The following SMOX variants were observed in gnomAD, a reference collection of about 807,000 sequenced individuals.
SMOX encodes flavin containing amine oxidase.
SMOX carries 22 observed loss-of-function variants against 51.0 expected under a neutral mutation model. That is an observed-to-expected ratio of 0.43 (90% confidence interval 0.31 to 0.62). SMOX has a LOEUF of 0.62. Among genes scored for constraint, SMOX ranks in the 20% least tolerant of loss-of-function variants. The probability of loss-of-function intolerance (pLI) is 0.10; values close to 1 mark genes in which losing one functional copy is unlikely to be tolerated. For synonymous variants in SMOX, 282 were observed against 307.8 expected, an observed-to-expected ratio of 0.92 and a Z score of 0.88; for missense variants, 566 against 777.7, an observed-to-expected ratio of 0.73 and a Z score of 3.24.
intron 3 of SMOX, among the ~76,000 whole-genome samples, chr20:4,178,660 G>C: frequency 6.7e-6 from 1 of 150,238 alleles, no homozygotes; most frequent in South Asian, 2.1e-4. Flanking sequence ...CACCTATTGT[G>C]CATTTTCTTT....
Position 4,182,727 on chromosome 20 carries a change from G to A in SMOX, c.1248G>A (p.Pro416=), listed in dbSNP as rs147924124. The A allele has an allele frequency of 1.4e-5, 23 of 1,614,032 alleles. No individual in the cohort carries two copies. Among genetic ancestry groups the A allele is most frequent in the Non-Finnish European group, 1.8e-5 (21 of 1,180,040 alleles). The change falls in exon 5 of 7, where the codon CCG becomes CCA. Residue 416 remains proline (P), a synonymous_variant. Transcript: ENST00000305958. This position sits in a 1 kb window ranked among gnomAD's most constrained non-coding sequence, Gnocchi z 8.4. ...TCTGCGGCTTTGATGTCCTCTACCC[G>A]CCTGAGCGCTACGGCCATGTGCTGA... ...RKICGFDVLY[P]PERYGHVLSG... is the part of the protein sequence containing the mutation.
chr20:4,182,993 C>T lies in SMOX; in HGVS notation c.1369+145C>T, dbSNP rs1212846662. ...ACGGGAGAGCCACTGCAGGGTGCCA[C>T]ATTCAGCCAAAGGCTCTTCAGTTGC... is the stretch of plus-strand genomic sequence containing the variant. On this transcript the variant is annotated intron_variant, in intron 5 of 6. Transcript: ENST00000305958. This position sits in a 1 kb window ranked among gnomAD's most constrained non-coding sequence, Gnocchi z 8.4. 8.3e-7 allele frequency: 1 copy of T among 1,199,744 alleles called. No individual in the cohort carries two copies. The highest frequency in any genetic ancestry group is 1.1e-6 in the Non-Finnish European group (1 of 882,280). The allele number at this position is 1,199,744 out of a possible 1,614,324, so 74.3% of individuals were successfully genotyped here. A position where few individuals can be genotyped will look rare whatever the true frequency, so the allele number is the denominator to read the frequency against.
At chr20:4,175,344 T>A in intron 2 of SMOX, 81 bp downstream of exon 2, 2 of 1,447,100 alleles carry the variant, frequency 1.4e-6, no homozygotes, top group East Asian at 4.6e-5. Flanking sequence ...TGAAATCTCA[T>A]TATTTTAACT....
rs1986164300 is a variant in SMOX at position 4,158,835 on chromosome 20, C to T, written c.-27+9858C>T. On this transcript the variant is annotated intron_variant, in intron 1 of 6. Transcript: ENST00000305958. ...GGGACAGCCCAGCTCAGCCAGCGCA[C>T]CTCTGATCCTGGCGGGTGGTGGTGA... 1.3e-5 allele frequency among the ~76,000 whole-genome samples: 2 copies of T among 152,058 alleles called. 1 individual carries two copies. The highest frequency in any genetic ancestry group is 4.1e-4 in the South Asian group (2 of 4,820).
intron 2 of SMOX, among the ~76,000 whole-genome samples, chr20:4,176,865 G>A (rs1250210942): frequency 6.6e-6 from 1 of 152,176 alleles, no homozygotes; most frequent in Non-Finnish European, 1.5e-5. Flanking sequence ...TTGCAAACTG[G>A]GATGTTTGGA....
chr20:4,181,560 C>T lies in SMOX; in HGVS notation c.436-243C>T, dbSNP rs927795501. Among the ~76,000 whole-genome samples, 1 of 152,192 alleles carries T rather than the reference C, an allele frequency of 6.6e-6. No homozygotes were observed. The highest frequency in any genetic ancestry group is 2.4e-5 in the African/African-American group (1 of 41,448). On this transcript the variant is annotated intron_variant, in intron 3 of 6. Transcript: ENST00000305958. The surrounding 1 kb of genome is among the most constrained non-coding windows in gnomAD (Gnocchi z 5.6). ...TGTTTCACATTGTCCTAAGTGAGGG[C>T]CCAGCAAGAAAACCTCCGGGGCTTA...
At chr20:4,158,102 T>A (rs12625566) in intron 1 of SMOX, among the ~76,000 whole-genome samples, 124,865 of 147,502 alleles carry the variant, frequency 0.85, 53,769 homozygotes, top group Non-Finnish European at 0.92. Context: ...GTGTTTCACC[T>A]TGTTAGCCAG....
chr20:4,175,079 T>C lies in SMOX; in HGVS notation c.24T>C (p.Gly8=). Residue 8 remains glycine (G), a synonymous_variant, in exon 2 of 7, where the codon GGT becomes GGC. Coordinates refer to ENST00000305958, the MANE Select transcript of SMOX (RefSeq NM_175839.3). MQSCESS[G]DSADDPLSRG... is the part of the protein sequence containing the mutation. ...GTATGCAAAGTTGTGAATCCAGTGGTGACAGTGCGGATGACCCTCTCAGTC... is the reference window on the plus strand; with the variant it reads ...GTATGCAAAGTTGTGAATCCAGTGGCGACAGTGCGGATGACCCTCTCAGTC... The C allele has an allele frequency of 6.2e-7, 1 of 1,614,204 alleles. No homozygotes were observed. The highest frequency in any genetic ancestry group is 8.5e-7 in the Non-Finnish European group (1 of 1,180,042).
chr20:4,163,792 C>G (rs771938520), intron 1 of SMOX, among the ~76,000 whole-genome samples: 4 of 152,174 alleles, frequency 2.6e-5, no homozygotes, highest in Non-Finnish European at 4.4e-5. Flanking sequence ...CCCAGGGTTG[C>G]TTGAGTGTCC....
In SMOX at chr20:4,183,111, C is replaced by T. The variant is rs752100991; in HGVS notation, c.1369+263C>T. 14 of 593,316 alleles carry T rather than the reference C, an allele frequency of 2.4e-5. No individual in the cohort carries two copies. The highest frequency in any genetic ancestry group is 4.1e-5 in the Non-Finnish European group (14 of 339,220). 36.8% of individuals were successfully genotyped at this position (593,316 alleles called of 1,614,324 possible). A position where few individuals can be genotyped will look rare whatever the true frequency, so the allele number is the denominator to read the frequency against. On this transcript the variant is annotated intron_variant, in intron 5 of 6. Transcript: ENST00000305958. The surrounding 1 kb of genome is among the most constrained non-coding windows in gnomAD (Gnocchi z 4.3). ...ATGGTAAAACACTCAGAGATCACCGCCCATTGTGCTCTGTTGCTAAGAGCT... is the reference window on the plus strand; with the variant it reads ...ATGGTAAAACACTCAGAGATCACCGTCCATTGTGCTCTGTTGCTAAGAGCT...
intron 2 of SMOX, chr20:4,176,101 A>G (rs1485153110): frequency 6.6e-6 from 1 of 150,422 alleles, no homozygotes; most frequent in African/African-American, 2.5e-5. Context: ...GTTCACTGCA[A>G]CCTCTGCTTC....
At chr20:4,179,365 C>G (rs1032139132) in intron 3 of SMOX, among the ~76,000 whole-genome samples, 1 of 151,700 alleles carries the variant, frequency 6.6e-6, no homozygotes, top group Non-Finnish European at 1.5e-5. Context: ...CAAGAGAGTG[C>G]GTTGTGGATA....
In SMOX at chr20:4,182,585, T is replaced by C; in HGVS notation, c.1106T>C (p.Phe369Ser). The C allele has an allele frequency of 6.2e-7, 1 of 1,613,906 alleles. No individual in the cohort carries two copies. The highest frequency in any genetic ancestry group is 8.5e-7 in the Non-Finnish European group (1 of 1,179,966). ...GGCATTGGCACCACCGACAAGATCT[T>C]TCTGGAATTCGAGGAGCCCTTCTGG... Reference protein sequence around the residue: ...RLGIGTTDKIFLEFEEPFWGP... With the variant: ...RLGIGTTDKISLEFEEPFWGP... The change falls in exon 5 of 7, where the codon TTT (phenylalanine) becomes TCT (serine). Residue 369 changes from phenylalanine (F) to serine (S), a missense_variant. Around this residue, in one of 3 missense-constraint regions of SMOX, gnomAD observed 347 missense variants for 481.8 expected, o/e 0.72. Transcript: ENST00000305958. This position sits in a 1 kb window ranked among gnomAD's most constrained non-coding sequence, Gnocchi z 8.4.
intron 6 of SMOX, among the ~76,000 whole-genome samples, chr20:4,184,605 T>C (rs974012860): frequency 5.3e-5 from 8 of 152,128 alleles, no homozygotes; most frequent in Non-Finnish European, 8.8e-5. Flanking sequence ...AACAGTTATA[T>C]TTAAAACAAT....
chr20:4,157,709 G>A (rs1022421110), intron 1 of SMOX, among the ~76,000 whole-genome samples: 1 of 152,072 alleles, frequency 6.6e-6, no homozygotes, highest in African/African-American at 2.4e-5. Flanking sequence ...GGCTGTGGGA[G>A]GGGGCGGTGC....
intron 2 of SMOX, 104 bp downstream of exon 2, chr20:4,175,367 G>A (rs1020013682): frequency 3.0e-6 from 4 of 1,313,112 alleles, no homozygotes; most frequent in Non-Finnish European, 4.2e-6. Context: ...TGGGATAAAT[G>A]TTCCATCATG....
chr20:4,159,266 C>T (rs563427825), intron 1 of SMOX, among the ~76,000 whole-genome samples: 3 of 152,276 alleles, frequency 2.0e-5, no homozygotes, highest in Admixed American at 6.5e-5. Context: ...TGCCTGCCAC[C>T]ACGCCCGGCT....
At position 4,181,112 on chromosome 20, in the gene SMOX, A is replaced by G. The variant is rs1377770241; in HGVS notation, c.436-691A>G. 6.6e-6 allele frequency among the ~76,000 whole-genome samples: 1 copy of G among 152,100 alleles called. No homozygotes were observed. The highest frequency in any genetic ancestry group is 1.5e-5 in the Non-Finnish European group (1 of 68,018). On this transcript the variant is annotated intron_variant, in intron 3 of 6. Coordinates refer to ENST00000305958, the MANE Select transcript of SMOX (RefSeq NM_175839.3). This position sits in a 1 kb window ranked among gnomAD's most constrained non-coding sequence, Gnocchi z 5.6. ...GACTGATCGTCGTTATCTGTTGATGAGGTGTGGGCTGGAGTTCTTGCTGAA... is the reference window on the plus strand; with the variant it reads ...GACTGATCGTCGTTATCTGTTGATGGGGTGTGGGCTGGAGTTCTTGCTGAA...
rs576731980 is a variant in SMOX at position 4,183,912 on chromosome 20, A to C, written c.1530+258A>C. On this transcript the variant is annotated intron_variant, in intron 6 of 6. Transcript: ENST00000305958. This position sits in a 1 kb window ranked among gnomAD's most constrained non-coding sequence, Gnocchi z 4.3. ...TGAGCTATTCCATGCTGTGCTGGCCAATACGGTAGCTATCAGCCACTTTCA... is the reference window on the plus strand; with the variant it reads ...TGAGCTATTCCATGCTGTGCTGGCCCATACGGTAGCTATCAGCCACTTTCA... Among the ~76,000 whole-genome samples, 3 of 152,202 alleles carry C rather than the reference A, an allele frequency of 2.0e-5. No individual in the cohort carries two copies. The highest frequency in any genetic ancestry group is 4.4e-5 in the Non-Finnish European group (3 of 68,034).
Sources: allele counts gnomAD v4.1 joint callset (sites outside exome capture counted in the v4.1 genomes callset), GRCh38; gene constraint gnomAD v4.1.1; regional missense constraint gnomAD v4.1.1; non-coding constraint Gnocchi (gnomAD v3.1); transcripts MANE v1.5; gene names NCBI Gene and HGNC (gene_info 2026-07-23, HGNC 2026-07-21).